MATCAP1: variants seen among roughly 807,000 people sequenced by gnomAD.
MATCAP1 encodes microtubule-associated tyrosine carboxypeptidase 1.
the MATCAP1 span, chr16:67,176,750 T>G: frequency 1.4e-6 from 2 of 1,430,538 alleles, no homozygotes; most frequent in South Asian, 1.5e-5. This position sits in a 1 kb window ranked among gnomAD's most constrained non-coding sequence, Gnocchi z 4.3. Flanking sequence ...AACTGCTTCA[T>G]GTTCTAGGGG....
At chr16:67,177,069 T>C in the MATCAP1 span, 3 of 1,162,940 alleles carry the variant, frequency 2.6e-6, no homozygotes, top group Non-Finnish European at 3.5e-6. Context: ...CAGCCTTTGC[T>C]CCGGGACTTC....
the MATCAP1 span, chr16:67,179,860 C>T: frequency 1.2e-6 from 2 of 1,614,232 alleles, no homozygotes; most frequent in Non-Finnish European, 1.7e-6. The surrounding 1 kb of genome is among the most constrained non-coding windows in gnomAD (Gnocchi z 5.2). Context: ...GCACAATCGA[C>T]CATATCTGGC....
At chr16:67,178,457 T>A in the MATCAP1 span, 16 of 1,534,640 alleles carry the variant, frequency 1.0e-5, no homozygotes, top group Non-Finnish European at 1.7e-6. Context: ...CCCTCCGCGT[T>A]GTGCCACGGC....
the MATCAP1 span, chr16:67,178,549 G>T: frequency 1.4e-6 from 2 of 1,475,718 alleles, no homozygotes; most frequent in African/African-American, 1.4e-5. Context: ...GGGCGTTCGG[G>T]GACCCGCCTG....
the MATCAP1 span, chr16:67,178,018 G>C: frequency 6.2e-7 from 1 of 1,614,072 alleles, no homozygotes; most frequent in East Asian, 2.2e-5. Flanking sequence ...ACCTTGCCCA[G>C]TGAGGTCAGC....
chr16:67,180,933 C>T, the MATCAP1 span, among the ~76,000 whole-genome samples: 1 of 152,202 alleles, frequency 6.6e-6, no homozygotes, highest in Non-Finnish European at 1.5e-5. Context: ...ATGATCATAG[C>T]TCATTGCAGC....
the MATCAP1 span, chr16:67,178,687 G>C: frequency 1.4e-6 from 1 of 712,620 alleles, no homozygotes; most frequent in Non-Finnish European, 2.5e-6. Context: ...TCCTCCTCCT[G>C]TGGACTCGCA....
the MATCAP1 span, chr16:67,180,114 A>G: frequency 4.3e-6 from 7 of 1,614,154 alleles, no homozygotes; most frequent in Non-Finnish European, 5.9e-6. Context: ...CTGGTACTCA[A>G]ACTGTGGATT....
At chr16:67,183,797 G>C in the MATCAP1 span, 1 of 167,696 alleles carries the variant, frequency 6.0e-6, no homozygotes, top group Non-Finnish European at 1.3e-5. Context: ...AGGCTTCTCC[G>C]GGAGATCAGG....
the MATCAP1 span, chr16:67,180,491 G>T: frequency 5.7e-6 from 9 of 1,592,776 alleles, no homozygotes; most frequent in Non-Finnish European, 6.8e-6. Context: ...ACTGAGACCA[G>T]GGGTACAGTG....
At chr16:67,180,068 GCAGTA>G in the MATCAP1 span, 1 of 1,614,174 alleles carries the variant, frequency 6.2e-7, no homozygotes, top group Non-Finnish European at 8.5e-7. Context: ...CAGAGGCCTC[GCAGTA>G]CTTTTCCAGC....
At chr16:67,178,402 C>A in the MATCAP1 span, 1 of 1,546,960 alleles carries the variant, frequency 6.5e-7, no homozygotes, top group Non-Finnish European at 8.7e-7. Flanking sequence ...GCTGGCCAGG[C>A]CCTCCTCCGT....
chr16:67,177,952 G>A, the MATCAP1 span: 1 of 1,482,480 alleles, frequency 6.7e-7, no homozygotes, highest in Non-Finnish European at 9.4e-7. Context: ...GAGGCTCAGG[G>A]AATTCTACAG....
the MATCAP1 span, chr16:67,179,937 C>G: frequency 6.2e-7 from 1 of 1,614,258 alleles, no homozygotes; most frequent in Non-Finnish European, 8.5e-7. This position sits in a 1 kb window ranked among gnomAD's most constrained non-coding sequence, Gnocchi z 5.2. Context: ...TTCTCCAGAA[C>G]AGCCTCAATG....
chr16:67,177,705 A>G, the MATCAP1 span, among the ~76,000 whole-genome samples: 1 of 152,246 alleles, frequency 6.6e-6, no homozygotes, highest in Non-Finnish European at 1.5e-5. Context: ...CACAAATGCC[A>G]GTGCCAGGGA....
At chr16:67,176,172 C>G in the MATCAP1 span, 4 of 154,014 alleles carry the variant, frequency 2.6e-5, no homozygotes, top group African/African-American at 7.3e-5. The surrounding 1 kb of genome is among the most constrained non-coding windows in gnomAD (Gnocchi z 4.3). Context: ...AGTGTCCTGT[C>G]CAACCCCCCG....
At chr16:67,179,443 C>T in the MATCAP1 span, 1 of 1,611,218 alleles carries the variant, frequency 6.2e-7, no homozygotes, top group East Asian at 2.2e-5. The surrounding 1 kb of genome is among the most constrained non-coding windows in gnomAD (Gnocchi z 5.2). Flanking sequence ...TCTCATGCCG[C>T]AGCATGCCCT....
the MATCAP1 span, among the ~76,000 whole-genome samples, chr16:67,182,272 G>T: frequency 3.9e-4 from 54 of 138,596 alleles, no homozygotes; most frequent in African/African-American, 1.4e-3. Flanking sequence ...AAAAAAAAAA[G>T]TCACTGCCTC....
chr16:67,179,007 C>T, the MATCAP1 span: 1 of 789,976 alleles, frequency 1.3e-6, no homozygotes, highest in Non-Finnish European at 1.7e-6. This position sits in a 1 kb window ranked among gnomAD's most constrained non-coding sequence, Gnocchi z 5.2. Flanking sequence ...GGCCAGTCCC[C>T]TCCTAAACCA....
Sources: allele counts gnomAD v4.1 joint callset (sites outside exome capture counted in the v4.1 genomes callset), GRCh38; gene constraint gnomAD v4.1.1; non-coding constraint Gnocchi (gnomAD v3.1); transcripts MANE v1.5; gene names NCBI Gene and HGNC (gene_info 2026-07-23, HGNC 2026-07-21).